Variants in BRSK1 observed in about 807,000 individuals in gnomAD.
The protein encoded by BRSK1 is BR serine/threonine kinase 1.
Under a neutral mutation model 86.2 loss-of-function variants are expected in BRSK1, and 17 were observed. The ratio of observed to expected loss-of-function variants is 0.20; its 90% CI spans 0.14 to 0.30. BRSK1 has a LOEUF of 0.30. Ranked by LOEUF, BRSK1 falls within the 10% of genes least tolerant of loss-of-function variation. The probability of loss-of-function intolerance (pLI) is 1.00; values close to 1 mark genes in which losing one functional copy is unlikely to be tolerated. For synonymous variants in BRSK1, 464 were observed against 440.1 expected (o/e 1.05, Z -0.68); for missense variants, 719 against 1,071.9 (o/e 0.67, Z 4.60).
In BRSK1 at chr19:55,284,492, T is replaced by TGCCCC; in HGVS notation, c.50_51insGCCCC (p.His19ProfsTer49). On this transcript the variant is annotated frameshift_variant, in exon 1 of 19. Coordinates refer to ENST00000309383, the MANE Select transcript of BRSK1 (RefSeq NM_032430.2). LOFTEE classifies it high-confidence loss of function. Reference sequence around the variant, plus strand: ...GGTGGGGGCTCTCCCGCCTACCACCTCCCCCACCCCCACCCCCACCCACCC... The same window carrying TGCCCC: ...GGTGGGGGCTCTCCCGCCTACCACCTGCCCCCCCCCACCCCCACCCCCACCCACCC... The TGCCCC allele has an allele frequency of 1.3e-6, 1 of 776,248 alleles. No homozygotes were observed. The highest frequency in any genetic ancestry group is 3.8e-5 in the East Asian group (1 of 26,214). 48.1% of individuals were successfully genotyped at this position (776,248 alleles called of 1,614,324 possible). A position where few individuals can be genotyped will look rare whatever the true frequency, so the allele number is the denominator to read the frequency against.
Position 55,310,492 on chromosome 19 carries a change from G to A in BRSK1, c.2180-1419G>A, listed in dbSNP as rs2088760066. ...GCTGCATCAAGAAACATAGTCACAA[G>A]TTCTCGGTATTTGCATGTGGACATC... On this transcript the variant is annotated intron_variant, in intron 18 of 18. Coordinates refer to ENST00000309383, the MANE Select transcript of BRSK1 (RefSeq NM_032430.2). The surrounding 1 kb of genome is among the most constrained non-coding windows in gnomAD (Gnocchi z 5.0). 6.6e-6 allele frequency among the ~76,000 whole-genome samples: 1 copy of A among 152,180 alleles called. No homozygotes were observed. Among genetic ancestry groups the A allele is most frequent in the South Asian group, 2.1e-4 (1 of 4,826 alleles).
At position 55,284,498 on chromosome 19, in the gene BRSK1, A is replaced by ACCCCCCCCCCCC; in HGVS notation, c.61_62insCCCCCCCCCCCC (p.Pro20_His21insProProProPro). 4.0e-5 allele frequency: 16 copies of ACCCCCCCCCCCC among 403,736 alleles called. No individual in the cohort carries two copies. Among genetic ancestry groups the ACCCCCCCCCCCC allele is most frequent in the East Asian group, 7.9e-5 (1 of 12,696 alleles). The allele number at this position is 403,736 out of a possible 1,614,324, so 25.0% of individuals were successfully genotyped here. A position where few individuals can be genotyped will look rare whatever the true frequency, so the allele number is the denominator to read the frequency against. Reference sequence around the variant, plus strand: ...GGCTCTCCCGCCTACCACCTCCCCCACCCCCACCCCCACCCACCCCAGCAC... The same window carrying ACCCCCCCCCCCC: ...GGCTCTCCCGCCTACCACCTCCCCCACCCCCCCCCCCCCCCCCACCCCCACCCACCCCAGCAC... On this transcript the variant is annotated inframe_insertion, in exon 1 of 19. Coordinates refer to ENST00000309383, the MANE Select transcript of BRSK1 (RefSeq NM_032430.2).
intron 4 of BRSK1, among the ~76,000 whole-genome samples, chr19:55,292,844 A>T (rs1170958699): frequency 6.6e-6 from 1 of 151,958 alleles, no homozygotes; most frequent in Non-Finnish European, 1.5e-5. Context: ...AAAAAAAAAA[A>T]AAAGGAAAGT....
intron 4 of BRSK1, among the ~76,000 whole-genome samples, chr19:55,293,481 G>A (rs998833246): frequency 3.3e-5 from 5 of 151,626 alleles, no homozygotes; most frequent in Non-Finnish European, 7.4e-5. Flanking sequence ...CAGCCTGGGT[G>A]ATAGAATGAG....
rs372951527 is a variant in BRSK1, at chr19:55,304,817, C to T, written c.1614C>T (p.Pro538=). ...PTGTPGTTPP[P]SPGGGVGGAA... ...GGACCCCGGGGACAACACCACCCCC[C>T]AGCCCCGGCGGTGGCGTCGGGGGAG... The change falls in exon 14 of 19, where the codon CCC becomes CCT. Residue 538 remains proline (P), a synonymous_variant. Transcript: ENST00000309383. The surrounding 1 kb of genome is among the most constrained non-coding windows in gnomAD (Gnocchi z 5.2). 383 of 1,581,206 alleles carry T rather than the reference C, an allele frequency of 2.4e-4. 1 individual carries two copies. The African/African-American group carries it at 4.4e-3, about 18-fold the overall frequency.
Position 55,304,541 on chromosome 19 carries a change from T to G in BRSK1, c.1348-10T>G. 6.4e-7 allele frequency: 1 copy of G among 1,564,462 alleles called. No homozygotes were observed. Among genetic ancestry groups the G allele is most frequent in the Non-Finnish European group, 8.6e-7 (1 of 1,160,820 alleles). ...TCCACTCGCTTATCTCAGTCTCCTG[T>G]CCTCTGCAGAGTCCGGTCTTTTCCT... On this transcript the variant is annotated splice_polypyrimidine_tract_variant and intron_variant, in intron 13 of 18. Coordinates refer to ENST00000309383, the MANE Select transcript of BRSK1 (RefSeq NM_032430.2). This position sits in a 1 kb window ranked among gnomAD's most constrained non-coding sequence, Gnocchi z 5.2.
Position 55,284,315 on chromosome 19 carries a change from A to AC in BRSK1, c.-123dup. On this transcript the variant is annotated 5_prime_UTR_variant, in exon 1 of 19. Coordinates refer to ENST00000309383, the MANE Select transcript of BRSK1 (RefSeq NM_032430.2). ...GGGGGGCCAGCCCAGCCCCCTGGGG[A>AC]CCCCCGGAGAGGTGGGGGGCAGCCG... 1 of 756,544 alleles carries AC rather than the reference A, an allele frequency of 1.3e-6. No homozygotes were observed. Among genetic ancestry groups the AC allele is most frequent in the Non-Finnish European group, 1.8e-6 (1 of 559,382 alleles). 46.9% of individuals were successfully genotyped at this position (756,544 alleles called of 1,614,324 possible).
At position 55,304,793 on chromosome 19, in the gene BRSK1, G is replaced by C; in HGVS notation, c.1590G>C (p.Gly530=). The C allele has an allele frequency of 6.4e-7, 1 of 1,566,748 alleles. No homozygotes were observed. The highest frequency in any genetic ancestry group is 8.6e-7 in the Non-Finnish European group (1 of 1,160,366). The change falls in exon 14 of 19, where the codon GGG becomes GGC. Residue 530 remains glycine, a synonymous_variant. Coordinates refer to ENST00000309383, the MANE Select transcript of BRSK1 (RefSeq NM_032430.2). The surrounding 1 kb of genome is among the most constrained non-coding windows in gnomAD (Gnocchi z 5.2). ...PLHTPRASPT[G]TPGTTPPPSP... is the part of the protein sequence containing the mutation. ...ACACGCCCCGGGCCAGTCCCACCGGGACCCCGGGGACAACACCACCCCCCA... is the reference window on the plus strand; with the variant it reads ...ACACGCCCCGGGCCAGTCCCACCGGCACCCCGGGGACAACACCACCCCCCA...
chr19:55,301,101 C>T (rs2088563250), intron 7 of BRSK1, among the ~76,000 whole-genome samples: 2 of 152,230 alleles, frequency 1.3e-5, no homozygotes, highest in Non-Finnish European at 2.9e-5. Context: ...ATTGCACCTC[C>T]TGGGAGAAGC....
chr19:55,293,907 C>G, intron 4 of BRSK1, 110 bp from the exon 5 acceptor site: 1 of 824,102 alleles, frequency 1.2e-6, no homozygotes, highest in Non-Finnish European at 1.9e-6. Flanking sequence ...GTCTCTCATC[C>G]CCTAAAAATC....
At chr19:55,307,937 G>A (rs1000404439) in intron 17 of BRSK1, among the ~76,000 whole-genome samples, 3 of 151,604 alleles carry the variant, frequency 2.0e-5, no homozygotes, top group Non-Finnish European at 2.9e-5. Context: ...CTGAGTGACA[G>A]AATGAGACCT....
In BRSK1 at chr19:55,311,947, C is replaced by T; in HGVS notation, c.2216C>T (p.Ala739Val). 1 of 1,610,622 alleles carries T rather than the reference C, an allele frequency of 6.2e-7. No homozygotes were observed. Among genetic ancestry groups the T allele is most frequent in the Non-Finnish European group, 8.5e-7 (1 of 1,178,768 alleles). Residue 739 changes from alanine (A) to valine (V), a missense_variant, in exon 19 of 19, where the codon GCC (alanine) becomes GTC (valine). Ala to Val is a moderately conservative substitution (Grantham distance 64). This residue lies in a region of BRSK1 where 82 missense variants were observed against 72.6 expected (regional missense o/e 1.13). Coordinates refer to ENST00000309383, the MANE Select transcript of BRSK1 (RefSeq NM_032430.2). ...KNGAQTRPAG[A>V]PPRSLQPPPG... is the part of the protein sequence containing the mutation. The stretch of plus-strand genomic sequence containing the variant: ...GGGGCCCAGACCCGGCCTGCTGGTG[C>T]CCCACCCCGAAGCCTGCAGCCCCCA...
intron 14 of BRSK1, among the ~76,000 whole-genome samples, 176 bp from the exon 15 acceptor site, chr19:55,305,145 G>T (rs2088630347): frequency 6.6e-6 from 1 of 152,162 alleles, no homozygotes; most frequent in Non-Finnish European, 1.5e-5. Context: ...CGCCTTTGGG[G>T]CTCTGGATTA....
chr19:55,298,502 C>T (rs1042549064), intron 7 of BRSK1, among the ~76,000 whole-genome samples: 3 of 152,144 alleles, frequency 2.0e-5, no homozygotes, highest in African/African-American at 7.2e-5. Flanking sequence ...AATAGTTCCT[C>T]ATCATTTGCA....
Position 55,284,217 on chromosome 19 carries a change from GC to G in BRSK1, c.-224del. On this transcript the variant is annotated 5_prime_UTR_variant, in exon 1 of 19. It removes the in-frame stop codon of an upstream open reading frame in the 5' UTR. Transcript: ENST00000309383. ...AGGGGGGGCCCCGCAGCCCCCCTGG[GC>G]CATGCTGACTCCCGGGGCCTGACCC... 1.5e-6 allele frequency: 1 copy of G among 681,782 alleles called. No individual in the cohort carries two copies. Among genetic ancestry groups the G allele is most frequent in the Non-Finnish European group, 2.0e-6 (1 of 488,758 alleles). The allele number at this position is 681,782 out of a possible 1,614,324, so 42.2% of individuals were successfully genotyped here. A position where few individuals can be genotyped will look rare whatever the true frequency, so the allele number is the denominator to read the frequency against.
rs2088817373 is a variant in BRSK1, at chr19:55,312,193, C to G, written c.*125C>G. The G allele has an allele frequency of 1.9e-6, 1 of 514,984 alleles. No individual in the cohort carries two copies. Among genetic ancestry groups the G allele is most frequent in the South Asian group, 3.1e-5 (1 of 32,278 alleles). 31.9% of individuals were successfully genotyped at this position (514,984 alleles called of 1,614,324 possible). A position where few individuals can be genotyped will look rare whatever the true frequency, so the allele number is the denominator to read the frequency against. On this transcript the variant is annotated 3_prime_UTR_variant, in exon 19 of 19. Transcript: ENST00000309383. ...GGGTGGACACAAAAACCGGCCTTGC[C>G]CTGCAGGGATGGGGCTCCACAGGCC...
At position 55,303,005 on chromosome 19, in the gene BRSK1, G is replaced by A; in HGVS notation, c.1028+138G>A. Reference sequence around the variant, plus strand: ...TTGAAGCTCCCGCCTGGGAGTGATGGAACCAGCGGAGAAAACGGCCCAGAA... The same window carrying A: ...TTGAAGCTCCCGCCTGGGAGTGATGAAACCAGCGGAGAAAACGGCCCAGAA... On this transcript the variant is annotated intron_variant, in intron 10 of 18. Coordinates refer to ENST00000309383, the MANE Select transcript of BRSK1 (RefSeq NM_032430.2). The surrounding 1 kb of genome is among the most constrained non-coding windows in gnomAD (Gnocchi z 5.1). The A allele has an allele frequency of 8.3e-7, 1 of 1,199,760 alleles. No individual in the cohort carries two copies. Among genetic ancestry groups the A allele is most frequent in the East Asian group, 2.6e-5 (1 of 39,044 alleles). 74.3% of individuals were successfully genotyped at this position (1,199,760 alleles called of 1,614,324 possible).
Position 55,294,674 on chromosome 19 carries a change from G to T in BRSK1, c.678+277G>T. Among the ~76,000 whole-genome samples the T allele has an allele frequency of 6.6e-6, 1 of 151,934 alleles. No individual in the cohort carries two copies. Among genetic ancestry groups the T allele is most frequent in the Non-Finnish European group, 1.5e-5 (1 of 67,978 alleles). On this transcript the variant is annotated intron_variant, in intron 7 of 18. Transcript: ENST00000309383. This position sits in a 1 kb window ranked among gnomAD's most constrained non-coding sequence, Gnocchi z 4.9. The stretch of plus-strand genomic sequence containing the variant: ...CCACCACCACTTCCAGATAATTTTT[G>T]AATTTTTAGTAGAGACAGGGTTTCG...
At position 55,303,488 on chromosome 19, in the gene BRSK1, AG is replaced by A. The variant is rs2088602739; in HGVS notation, c.1126+82del. On this transcript the variant is annotated intron_variant, in intron 11 of 18. Transcript: ENST00000309383. This position sits in a 1 kb window ranked among gnomAD's most constrained non-coding sequence, Gnocchi z 5.1. ...TGGCCACGGGGACCCCAGATTCCCA[AG>A]GAAAGAAGGGGCTGCAGGCTCTGAG... 6.6e-7 allele frequency: 1 copy of A among 1,517,936 alleles called. No individual in the cohort carries two copies. Among genetic ancestry groups the A allele is most frequent in the Admixed American group, 1.7e-5 (1 of 58,578 alleles). The allele number at this position is 1,517,936 out of a possible 1,614,324, so 94.0% of individuals were successfully genotyped here.
Sources: allele counts gnomAD v4.1 joint callset (sites outside exome capture counted in the v4.1 genomes callset), GRCh38; gene constraint gnomAD v4.1.1; regional missense constraint gnomAD v4.1.1; non-coding constraint Gnocchi (gnomAD v3.1); transcripts MANE v1.5; gene names NCBI Gene and HGNC (gene_info 2026-07-23, HGNC 2026-07-21).